The following GTF2E2 variants were observed in gnomAD, a reference collection of about 807,000 sequenced individuals.
The protein encoded by GTF2E2 is transcription initiation factor IIE subunit beta.
A neutral mutation model predicts 40.5 loss-of-function variants in GTF2E2; 21 were observed. That is an observed-to-expected ratio of 0.52 (90% CI 0.37 to 0.75). The LOEUF is 0.75. GTF2E2 is among the 30% of genes least tolerant of loss of function. The pLI is 0.00. For missense variants in GTF2E2, 298 were observed against 338.4 expected, an observed-to-expected ratio of 0.88 and a Z score of 0.94; for synonymous variants, 117 against 121.6, an observed-to-expected ratio of 0.96 and a Z score of 0.25.
intron 1 of GTF2E2, 120 bp from the exon 2 acceptor site, chr8:30,653,722 A>G: frequency 1.5e-6 from 1 of 671,956 alleles, no homozygotes; most frequent in South Asian, 1.9e-5. Flanking sequence ...TTAGTTCTCT[A>G]GCACTTGCAT....
At chr8:30,630,484 T>C (rs967654210) in intron 3 of GTF2E2, among the ~76,000 whole-genome samples, 1 of 152,212 alleles carries the variant, frequency 6.6e-6, no homozygotes, top group African/African-American at 2.4e-5. Flanking sequence ...AGCATTTCTG[T>C]TGCCTTTCTT....
intron 6 of GTF2E2, among the ~76,000 whole-genome samples, chr8:30,585,504 A>T (rs1238769902): frequency 6.6e-6 from 1 of 152,186 alleles, no homozygotes. Flanking sequence ...CATCGTAAAG[A>T]TGTGGAAAAT....
chr8:30,625,856 C>A (rs1045326074), intron 3 of GTF2E2, among the ~76,000 whole-genome samples: 8 of 152,198 alleles, frequency 5.3e-5, no homozygotes, highest in Admixed American at 2.0e-4. Context: ...GCCTCAGCCT[C>A]CCAAAGTGCT....
At chr8:30,626,826 G>A (rs950516374) in intron 3 of GTF2E2, among the ~76,000 whole-genome samples, 4 of 152,190 alleles carry the variant, frequency 2.6e-5, no homozygotes, top group Non-Finnish European at 5.9e-5. Context: ...CTATTCCATT[G>A]TGCAGCATCT....
intron 3 of GTF2E2, among the ~76,000 whole-genome samples, chr8:30,627,564 C>G (rs1322350773): frequency 1.3e-5 from 2 of 151,870 alleles, no homozygotes; most frequent in Non-Finnish European, 2.9e-5. Flanking sequence ...TGCAGTGGCG[C>G]ACACCTATAA....
At chr8:30,645,677 T>C (rs4733196) in intron 2 of GTF2E2, 292,724 of 1,359,158 alleles carry the variant, frequency 0.22, 34,092 homozygotes, top group East Asian at 0.42. Flanking sequence ...AGGCCAACTG[T>C]TGCTACAAAA....
intron 6 of GTF2E2, among the ~76,000 whole-genome samples, chr8:30,604,912 A>G (rs1398868963): frequency 6.6e-6 from 1 of 152,222 alleles, no homozygotes; most frequent in Non-Finnish European, 1.5e-5. Flanking sequence ...AAAGATACAC[A>G]AACAGGAAAA....
chr8:30,588,164 T>C (rs1369023376), intron 6 of GTF2E2, among the ~76,000 whole-genome samples: 3 of 151,452 alleles, frequency 2.0e-5, no homozygotes, highest in Non-Finnish European at 2.9e-5. Flanking sequence ...CTGTATGGAG[T>C]CCCCCCAGAA....
intron 2 of GTF2E2, 41 bp from the exon 3 acceptor site, chr8:30,635,164 G>T (rs747017657): frequency 9.2e-7 from 1 of 1,082,066 alleles, no homozygotes; most frequent in South Asian, 1.3e-5. Context: ...TATTATGTGT[G>T]ATTATGACTC....
intron 6 of GTF2E2, chr8:30,584,649 T>C (rs1332739458): frequency 6.6e-6 from 1 of 152,218 alleles, no homozygotes; most frequent in Non-Finnish European, 1.5e-5. Flanking sequence ...ACTGTGTAAC[T>C]GCCATAGAAG....
At chr8:30,579,167 C>G (rs1828438120) in intron 7 of GTF2E2, 130 bp from the exon 8 acceptor site, 12 of 676,654 alleles carry the variant, frequency 1.8e-5, no homozygotes, top group Non-Finnish European at 3.0e-5. Flanking sequence ...TGCTCTGCCA[C>G]CCAGCAGCAC....
intron 3 of GTF2E2, among the ~76,000 whole-genome samples, chr8:30,622,132 C>CT (rs1440373670): frequency 5.8e-4 from 2 of 3,450 alleles, no homozygotes; most frequent in Non-Finnish European, 1.3e-3. Flanking sequence ...CCTCCCCCCA[C>CT]CCACAACAGG....
Position 30,636,192 on chromosome 8 carries a change from G to A in GTF2E2, c.167-1069C>T, listed in dbSNP as rs181102643. 4.7e-3 allele frequency among the ~76,000 whole-genome samples: 655 copies of A among 139,864 alleles called. 6 individuals are homozygous for A. Among genetic ancestry groups the A allele is most frequent in the African/African-American group, 0.018 (628 of 34,758 alleles). The allele number at this position is 139,864 out of a possible 152,430, so 91.8% of individuals were successfully genotyped here. A position where few individuals can be genotyped will look rare whatever the true frequency, so the allele number is the denominator to read the frequency against. ...AATGCATTCCATTAGTCATAACCAG[G>A]AACAGTAAAAAATCCATCATAAATA... On this transcript the variant is annotated intron_variant, in intron 2 of 7. Transcript: ENST00000355904.
chr8:30,630,469 T>C (rs1801407728), intron 3 of GTF2E2, among the ~76,000 whole-genome samples: 1 of 152,226 alleles, frequency 6.6e-6, no homozygotes. Flanking sequence ...GAATCAACTA[T>C]AAGGAGCATT....
At chr8:30,584,196 C>T (rs1049521531) in intron 6 of GTF2E2, among the ~76,000 whole-genome samples, 2 of 137,254 alleles carry the variant, frequency 1.5e-5, no homozygotes, top group African/African-American at 4.9e-5. Flanking sequence ...GACTTGCTTC[C>T]CTTTTTTTTT....
At chr8:30,645,421 A>T in intron 2 of GTF2E2, 1 of 1,535,692 alleles carries the variant, frequency 6.5e-7, no homozygotes, top group Non-Finnish European at 8.7e-7. Context: ...CTGCTTTGTC[A>T]TCCTGCTTTT....
chr8:30,633,764 AT>A (rs1420105792), intron 3 of GTF2E2, among the ~76,000 whole-genome samples: 9 of 152,176 alleles, frequency 5.9e-5, no homozygotes, highest in Admixed American at 2.0e-4. Context: ...CAGCCAATAG[AT>A]TTTCATAACT....
intron 3 of GTF2E2, among the ~76,000 whole-genome samples, chr8:30,620,576 T>C (rs1801064171): frequency 1.3e-5 from 2 of 152,120 alleles, no homozygotes; most frequent in Non-Finnish European, 2.9e-5. Flanking sequence ...ATACAATGTA[T>C]TGATAGAGTA....
rs1428933819 is a variant in GTF2E2, at chr8:30,578,738, G to A, written c.*183C>T. ...GAAGGTTAACAGGGAACATCACATT[G>A]CCCATGAGCCCATTCTACTCAAATA... On this transcript the variant is annotated 3_prime_UTR_variant, in exon 8 of 8. Coordinates refer to ENST00000355904, the MANE Select transcript of GTF2E2 (RefSeq NM_002095.6). The A allele has an allele frequency of 9.6e-6, 5 of 522,876 alleles. No individual in the cohort carries two copies. Among genetic ancestry groups the A allele is most frequent in the Non-Finnish European group, 1.4e-5 (4 of 288,398 alleles). 32.4% of individuals were successfully genotyped at this position (522,876 alleles called of 1,614,324 possible). A position where few individuals can be genotyped will look rare whatever the true frequency, so the allele number is the denominator to read the frequency against.
Sources: gnomAD v4.1 joint callset for allele counts (sites outside exome capture counted in the v4.1 genomes callset) on GRCh38, gnomAD v4.1.1 for gene constraint, MANE v1.5 for transcripts, NCBI Gene and HGNC (gene_info 2026-07-23, HGNC 2026-07-21) for gene names.